LRRTM4: variants seen among roughly 807,000 people sequenced by gnomAD.
LRRTM4 encodes the protein leucine rich repeat transmembrane neuronal 4.
Under a neutral mutation model 47.6 loss-of-function variants are expected in LRRTM4, and 25 were observed. The ratio of observed to expected loss-of-function variants is 0.53; its 90% CI spans 0.38 to 0.73. LRRTM4 has a LOEUF of 0.73. Among genes scored for constraint, LRRTM4 ranks in the 30% least tolerant of loss-of-function variants. The pLI is 0.00. For missense variants in LRRTM4, 638 were observed against 713.4 expected (o/e 0.89, Z 1.20); for synonymous variants, 311 against 269.5 (o/e 1.15, Z -1.51).
chr2:77,283,580 G>A (rs371252987), intron 3 of LRRTM4, among the ~76,000 whole-genome samples: 3 of 152,010 alleles, frequency 2.0e-5, no homozygotes, highest in Non-Finnish European at 2.9e-5. Context: ...TAGGTGACAC[G>A]CAATGGTGGA....
chr2:77,389,773 A>G (rs887879560), intron 3 of LRRTM4, among the ~76,000 whole-genome samples: 3 of 151,456 alleles, frequency 2.0e-5, no homozygotes, highest in African/African-American at 7.3e-5. Flanking sequence ...ATAATAGCCA[A>G]CCTCCCTTTC....
intron 3 of LRRTM4, among the ~76,000 whole-genome samples, chr2:76,994,322 T>C (rs1358986315): frequency 6.6e-6 from 1 of 151,788 alleles, no homozygotes; most frequent in Non-Finnish European, 1.5e-5. Flanking sequence ...AAAAATAAAA[T>C]AAAATAATAA....
intron 3 of LRRTM4, among the ~76,000 whole-genome samples, chr2:77,160,474 A>G (rs1672682006): frequency 6.6e-6 from 1 of 150,856 alleles, no homozygotes; most frequent in Non-Finnish European, 1.5e-5. Context: ...TATAGATTCC[A>G]TATAGCCAAA....
At chr2:76,951,358 A>T (rs17405711) in intron 3 of LRRTM4, among the ~76,000 whole-genome samples, 1 of 151,868 alleles carries the variant, frequency 6.6e-6, no homozygotes, top group Non-Finnish European at 1.5e-5. Context: ...TTTTCTAGGT[A>T]TCGGAGTCTA....
intron 3 of LRRTM4, among the ~76,000 whole-genome samples, chr2:77,005,005 A>G (rs1006560404): frequency 7.9e-5 from 12 of 152,104 alleles, no homozygotes; most frequent in Admixed American, 2.0e-4. Flanking sequence ...CTAAAAAGTA[A>G]TTAACTTGTA....
intron 3 of LRRTM4, among the ~76,000 whole-genome samples, chr2:76,996,715 G>A (rs1677215585): frequency 6.6e-6 from 1 of 152,118 alleles, no homozygotes. Context: ...AGGAGCAAAT[G>A]CACACTGTTA....
chr2:77,219,129 G>A (rs111785015), intron 3 of LRRTM4, among the ~76,000 whole-genome samples: 3,518 of 152,210 alleles, frequency 0.023, 163 homozygotes, highest in African/African-American at 0.081. Flanking sequence ...AAAGAGGCAA[G>A]AACAATCCTG....
intron 3 of LRRTM4, among the ~76,000 whole-genome samples, chr2:77,269,535 G>C (rs1264157014): frequency 1.3e-5 from 2 of 152,130 alleles, no homozygotes; most frequent in Admixed American, 1.3e-4. Context: ...GAATTAAACT[G>C]TCTGCTAAAC....
intron 3 of LRRTM4, among the ~76,000 whole-genome samples, chr2:77,027,134 G>A (rs141769755): frequency 1.3e-5 from 2 of 151,984 alleles, no homozygotes; most frequent in African/African-American, 2.4e-5. Flanking sequence ...TCTTTTACAC[G>A]ATTTATGGAC....
chr2:76,944,946 T>C (rs1675274441), intron 3 of LRRTM4, among the ~76,000 whole-genome samples: 1 of 152,070 alleles, frequency 6.6e-6, no homozygotes, highest in Non-Finnish European at 1.5e-5. Context: ...AGAGCTTCCT[T>C]GGGAAGTTTT....
chr2:77,305,159 AT>A (rs34237750), intron 3 of LRRTM4, among the ~76,000 whole-genome samples: 2 of 152,000 alleles, frequency 1.3e-5, no homozygotes, highest in African/African-American at 2.4e-5. Context: ...TGATTTAATT[AT>A]TTTTTTCTAA....
At chr2:76,897,013 A>G (rs1411397840) in intron 3 of LRRTM4, among the ~76,000 whole-genome samples, 2 of 151,914 alleles carry the variant, frequency 1.3e-5, no homozygotes, top group Non-Finnish European at 2.9e-5. Flanking sequence ...GAATATTCTG[A>G]TGAGGAAGCC....
At chr2:76,824,868 G>C (rs1671149392) in intron 3 of LRRTM4, among the ~76,000 whole-genome samples, 1 of 151,594 alleles carries the variant, frequency 6.6e-6, no homozygotes, top group African/African-American at 2.4e-5. Flanking sequence ...TTTTCAATTA[G>C]AGAAGCAATG....
At chr2:76,944,878 A>G (rs1190584375) in intron 3 of LRRTM4, among the ~76,000 whole-genome samples, 1 of 152,108 alleles carries the variant, frequency 6.6e-6, no homozygotes, top group Non-Finnish European at 1.5e-5. Context: ...GGTTAAATCT[A>G]TATTACTCAG....
intron 3 of LRRTM4, among the ~76,000 whole-genome samples, chr2:77,465,637 C>T (rs1352067806): frequency 1.3e-5 from 2 of 152,084 alleles, no homozygotes; most frequent in Non-Finnish European, 2.9e-5. Flanking sequence ...TTTTATAATA[C>T]AGAGAGGAAT....
chr2:76,867,428 G>A (rs1672498948), intron 3 of LRRTM4, among the ~76,000 whole-genome samples: 1 of 152,034 alleles, frequency 6.6e-6, no homozygotes, highest in Non-Finnish European at 1.5e-5. Context: ...AAAATACCTG[G>A]GTTATGGCCA....
chr2:76,957,345 G>A (rs1185850727), intron 3 of LRRTM4, among the ~76,000 whole-genome samples: 1 of 151,630 alleles, frequency 6.6e-6, no homozygotes, highest in Non-Finnish European at 1.5e-5. Flanking sequence ...ACAACAAAGT[G>A]CATATAGTTA....
At chr2:77,513,370 C>G (rs1194301172) in intron 3 of LRRTM4, among the ~76,000 whole-genome samples, 1 of 152,090 alleles carries the variant, frequency 6.6e-6, no homozygotes, top group Non-Finnish European at 1.5e-5. Flanking sequence ...TTATACTAAT[C>G]CGAGAATTGC....
In LRRTM4 at chr2:76,961,808, C is replaced by G. The variant is rs13399820; in HGVS notation, c.1552-212892G>C. ...CTATACATATGTATCTTATTTTCAA[C>G]AAATTTTAATTCAATAATATACTCT... On this transcript the variant is annotated intron_variant, in intron 3 of 3. Coordinates refer to ENST00000409884, the MANE Select transcript of LRRTM4 (RefSeq NM_001134745.3). Among the ~76,000 whole-genome samples, 1,319 of 151,330 alleles carry G rather than the reference C, an allele frequency of 8.7e-3. 20 individuals carry two copies. The highest frequency in any genetic ancestry group is 0.031 in the African/African-American group (1,271 of 41,448).
Sources: allele counts gnomAD v4.1 joint callset (sites outside exome capture counted in the v4.1 genomes callset), GRCh38; gene constraint gnomAD v4.1.1; transcripts MANE v1.5; gene names NCBI Gene and HGNC (gene_info 2026-07-23, HGNC 2026-07-21).